The following ARL3 variants were observed in gnomAD, a reference collection of about 807,000 sequenced individuals.
ARL3 encodes ADP-ribosylation factor-like protein 3.
ARL3 carries 9 observed loss-of-function variants against 26.0 expected under a neutral mutation model. The observed-to-expected ratio is 0.35, with a 90% CI of 0.21 to 0.60. The LOEUF (loss-of-function observed/expected upper bound fraction) is 0.60, where lower values mean the gene tolerates loss of function less well. Ranked by LOEUF, ARL3 falls within the 20% of genes least tolerant of loss-of-function variation. ARL3 has a pLI of 0.78. For missense variants in ARL3, 158 were observed against 215.7 expected (o/e 0.73, Z 1.67); for synonymous variants, 71 against 78.4 (o/e 0.91, Z 0.50).
intron 1 of ARL3, among the ~76,000 whole-genome samples, chr10:102,711,901 T>A (rs947391858): frequency 1.8e-4 from 28 of 152,210 alleles, no homozygotes; most frequent in African/African-American, 6.3e-4. Context: ...TTTATTTTTT[T>A]AAAATAATTT....
chr10:102,713,554 T>G (rs1030061571), intron 1 of ARL3, among the ~76,000 whole-genome samples: 1 of 152,204 alleles, frequency 6.6e-6, no homozygotes, highest in Non-Finnish European at 1.5e-5. Context: ...CTAATATGTC[T>G]TCATCAACAT....
intron 4 of ARL3, 77 bp downstream of exon 4, chr10:102,689,815 CA>C: frequency 1.1e-6 from 1 of 912,760 alleles, no homozygotes; most frequent in South Asian, 1.9e-5. Flanking sequence ...GCAACAAGAG[CA>C]AAAACTCCGT....
intron 2 of ARL3, among the ~76,000 whole-genome samples, chr10:102,703,447 T>C (rs2064291402): frequency 1.8e-5 from 1 of 54,574 alleles, no homozygotes; most frequent in Non-Finnish European, 3.4e-5. Flanking sequence ...TTTTTTTTTT[T>C]TTTTTTTTTT....
chr10:102,678,287 C>G (rs183250000), intron 5 of ARL3, among the ~76,000 whole-genome samples: 34 of 152,246 alleles, frequency 2.2e-4, no homozygotes, highest in African/African-American at 7.9e-4. Flanking sequence ...GGACTCCAAA[C>G]GCATCTCTAA....
intron 5 of ARL3, among the ~76,000 whole-genome samples, chr10:102,685,431 T>C (rs2064178412): frequency 6.6e-6 from 1 of 151,936 alleles, no homozygotes; most frequent in South Asian, 2.1e-4. Context: ...AAAACACTTC[T>C]AGGATGACTA....
In ARL3 at chr10:102,689,879, A is replaced by G; in HGVS notation, c.315+14T>C. 1 of 1,552,902 alleles carries G rather than the reference A, an allele frequency of 6.4e-7. No individual in the cohort carries two copies. The highest frequency in any genetic ancestry group is 8.8e-7 in the Non-Finnish European group (1 of 1,136,944). On this transcript the variant is annotated intron_variant, in intron 4 of 5. Coordinates refer to ENST00000260746, the MANE Select transcript of ARL3 (RefSeq NM_004311.4). ...ATATATATAAGAACTTTGATATAAA[A>G]AAGAATTATTTACCTGACCCGTCTC...
chr10:102,676,068 C>T lies in ARL3; in HGVS notation c.*826G>A, dbSNP rs1314161007. The T allele has an allele frequency of 6.6e-6, 1 of 152,566 alleles. No homozygotes were observed. The highest frequency in any genetic ancestry group is 1.5e-5 in the Non-Finnish European group (1 of 68,032). 9.5% of individuals were successfully genotyped at this position (152,566 alleles called of 1,614,324 possible). On this transcript the variant is annotated 3_prime_UTR_variant, in exon 6 of 6. Coordinates refer to ENST00000260746, the MANE Select transcript of ARL3 (RefSeq NM_004311.4). ...CTGGAGAAAGCCTGTTTACGCTAGC[C>T]TGAGCCCTCGATGTGAGAGCTTTTT...
chr10:102,681,983 C>A (rs2064157845), intron 5 of ARL3, among the ~76,000 whole-genome samples: 1 of 152,002 alleles, frequency 6.6e-6, no homozygotes. Context: ...TAAGCCAGAT[C>A]CTTTGTTCAC....
intron 3 of ARL3, among the ~76,000 whole-genome samples, chr10:102,696,511 G>A (rs559640352): frequency 7.9e-5 from 12 of 151,088 alleles, no homozygotes; most frequent in African/African-American, 2.4e-4. Context: ...TGATCCACCC[G>A]CCTCAGCCTC....
intron 1 of ARL3, among the ~76,000 whole-genome samples, chr10:102,709,185 A>T (rs1323089691): frequency 2.0e-5 from 3 of 151,698 alleles, no homozygotes; most frequent in East Asian, 3.9e-4. Flanking sequence ...GGATTACAAG[A>T]GTGAGCCACT....
chr10:102,680,718 T>C (rs192918203), intron 5 of ARL3, among the ~76,000 whole-genome samples: 1 of 152,282 alleles, frequency 6.6e-6, no homozygotes, highest in East Asian at 1.9e-4. Context: ...GCCATGGCTG[T>C]GTGGGCCTGG....
intron 3 of ARL3, among the ~76,000 whole-genome samples, chr10:102,696,216 G>T (rs932273144): frequency 1.3e-5 from 2 of 151,200 alleles, no homozygotes. Context: ...CACCCACCTC[G>T]GCCTCCCAAA....
intron 4 of ARL3, among the ~76,000 whole-genome samples, chr10:102,686,533 G>A (rs549348047): frequency 6.5e-4 from 96 of 146,712 alleles, no homozygotes; most frequent in African/African-American, 7.7e-4. Flanking sequence ...GCGCAATCCC[G>A]GCTCACTGCA....
chr10:102,685,948 G>T lies in ARL3; in HGVS notation c.369C>A (p.Ile123=), dbSNP rs1458798264. 1.2e-6 allele frequency: 2 copies of T among 1,614,156 alleles called. No homozygotes were observed. Among genetic ancestry groups the T allele is most frequent in the Non-Finnish European group, 8.5e-7 (1 of 1,180,030 alleles). ...EEKLSCVPVL[I]FANKQDLLTA... is the part of the protein sequence containing the mutation. Reference sequence around the variant, plus strand: ...TGAGCAAATCCTGCTTATTAGCAAAGATGAGCACTGGCACACAACTTAGTT... The same window carrying T: ...TGAGCAAATCCTGCTTATTAGCAAATATGAGCACTGGCACACAACTTAGTT... Residue 123 remains isoleucine (I), a synonymous_variant, in exon 5 of 6, where the codon ATC becomes ATA. Transcript: ENST00000260746.
At chr10:102,709,998 T>A (rs2064329914) in intron 1 of ARL3, among the ~76,000 whole-genome samples, 1 of 151,686 alleles carries the variant, frequency 6.6e-6, no homozygotes. Flanking sequence ...CACACCAGTG[T>A]ACTCCAGCCT....
At chr10:102,693,067 A>G (rs899090890) in intron 3 of ARL3, among the ~76,000 whole-genome samples, 1 of 152,226 alleles carries the variant, frequency 6.6e-6, no homozygotes, top group African/African-American at 2.4e-5. Flanking sequence ...ATACGGGTGT[A>G]CCACAGTTTG....
intron 1 of ARL3, among the ~76,000 whole-genome samples, chr10:102,707,378 G>A (rs2064315663): frequency 6.6e-6 from 1 of 151,796 alleles, no homozygotes; most frequent in Non-Finnish European, 1.5e-5. Context: ...AAGAACATAA[G>A]AACATCTTTA....
At chr10:102,700,704 T>G (rs568678216) in intron 2 of ARL3, among the ~76,000 whole-genome samples, 9 of 150,586 alleles carry the variant, frequency 6.0e-5, no homozygotes, top group African/African-American at 2.2e-4. Context: ...GACCTCATGA[T>G]CCGCCCACCT....
chr10:102,699,675 C>T (rs2064268650), intron 2 of ARL3, among the ~76,000 whole-genome samples, 186 bp from the exon 3 acceptor site: 1 of 152,124 alleles, frequency 6.6e-6, no homozygotes, highest in Non-Finnish European at 1.5e-5. Context: ...TTGTTTCATC[C>T]AGGTTGTGGA....
Sources: gnomAD v4.1 joint callset for allele counts (sites outside exome capture counted in the v4.1 genomes callset) on GRCh38, gnomAD v4.1.1 for gene constraint, MANE v1.5 for transcripts, NCBI Gene and HGNC (gene_info 2026-07-23, HGNC 2026-07-21) for gene names.